ACAD10: variants seen among roughly 807,000 people sequenced by gnomAD.
ACAD10 encodes acyl-CoA dehydrogenase family member 10.
In ACAD10, 112 loss-of-function variants were observed where a neutral mutation model predicts 116.8. The ratio of observed to expected loss-of-function variants is 0.96; its 90% CI spans 0.82 to 1.12. The LOEUF (loss-of-function observed/expected upper bound fraction) is 1.12. ACAD10 is among the 50% of genes most tolerant of loss of function. ACAD10 has a pLI of 0.00. For synonymous variants in ACAD10, 486 were observed against 510.6 expected, an observed-to-expected ratio of 0.95 and a Z score of 0.65; for missense variants, 1,259 against 1,350.2, an observed-to-expected ratio of 0.93 and a Z score of 1.06.
chr12:111,725,665 G>C (rs1210711991), intron 8 of ACAD10, among the ~76,000 whole-genome samples: 2 of 152,022 alleles, frequency 1.3e-5, no homozygotes. Flanking sequence ...CTCCCAAGTA[G>C]CTGGGATTAT....
At position 111,727,262 on chromosome 12, in the gene ACAD10, C is replaced by T. The variant is rs11831183; in HGVS notation, c.1062-700C>T. ...TAAATAGGCCGGGAGCAGTGGCTCA[C>T]GCCTATAATCCCACCACTTTGGGAG... On this transcript the variant is annotated intron_variant, in intron 8 of 20. Transcript: ENST00000313698. 0.016 allele frequency among the ~76,000 whole-genome samples: 2,455 copies of T among 150,232 alleles called. 134 individuals carry two copies. The South Asian group carries it at 0.18, about 11-fold the overall frequency.
intron 12 of ACAD10, chr12:111,744,426 C>G: frequency 1.6e-6 from 1 of 606,082 alleles, no homozygotes; most frequent in Non-Finnish European, 2.8e-6. Context: ...TCACCTCCTT[C>G]TCTAAGACTC....
chr12:111,741,618 C>G (rs1889745240), intron 12 of ACAD10, among the ~76,000 whole-genome samples: 1 of 152,150 alleles, frequency 6.6e-6, no homozygotes, highest in South Asian at 2.1e-4. Flanking sequence ...CCTTTCCCTC[C>G]CTCTGGGAAG....
chr12:111,756,407 TG>T lies in ACAD10; in HGVS notation c.3115del (p.Ala1039ProfsTer15). 6.2e-7 allele frequency: 1 copy of T among 1,612,622 alleles called. No individual in the cohort carries two copies. The highest frequency in any genetic ancestry group is 8.5e-7 in the Non-Finnish European group (1 of 1,179,814). The part of the protein sequence containing the change: ...FFTWARALRF[A>X]DGPDEVHRAT... ...TCACCTGGGCCCGAGCCCTGCGCTTTGCCGACGGCCCTGACGAGGTGCACCG... is the reference window on the plus strand; with the variant it reads ...TCACCTGGGCCCGAGCCCTGCGCTTTCCGACGGCCCTGACGAGGTGCACCG... On this transcript the variant is annotated frameshift_variant, in exon 21 of 21. Transcript: ENST00000313698. LOFTEE classifies it high-confidence loss of function.
chr12:111,732,038 A>ATG (rs1426469570), intron 10 of ACAD10, among the ~76,000 whole-genome samples: 51 of 152,078 alleles, frequency 3.4e-4, no homozygotes, highest in Non-Finnish European at 7.4e-4. Context: ...CCAAGACCGC[A>ATG]CCACTGCACT....
At chr12:111,706,258 C>G (rs944899467) in intron 4 of ACAD10, among the ~76,000 whole-genome samples, 1 of 152,120 alleles carries the variant, frequency 6.6e-6, no homozygotes, top group Non-Finnish European at 1.5e-5. Context: ...CTAAGACCAA[C>G]TATGTTGCCT....
At chr12:111,747,778 G>T in intron 16 of ACAD10, 1 of 1,036,228 alleles carries the variant, frequency 9.7e-7, no homozygotes, top group Non-Finnish European at 1.2e-6. Context: ...GGATTGTCCA[G>T]TGTTACTTTT....
chr12:111,709,310 T>C (rs1363104536), intron 4 of ACAD10, among the ~76,000 whole-genome samples: 2 of 152,222 alleles, frequency 1.3e-5, no homozygotes, highest in African/African-American at 4.8e-5. Context: ...ACAGACACTT[T>C]GGTTTCTCGA....
At chr12:111,718,712 C>T (rs1247364224) in intron 7 of ACAD10, among the ~76,000 whole-genome samples, 2 of 152,030 alleles carry the variant, frequency 1.3e-5, no homozygotes, top group African/African-American at 4.8e-5. Context: ...CTCTTGACCT[C>T]GGGTGATCCG....
At chr12:111,733,804 C>T (rs1456470637) in intron 10 of ACAD10, 119 bp from the exon 11 acceptor site, 29 of 1,276,766 alleles carry the variant, frequency 2.3e-5, no homozygotes, top group African/African-American at 3.0e-5. Context: ...CTCAGGCACC[C>T]GGGCACAGAG....
Position 111,705,907 on chromosome 12 carries a change from C to T in ACAD10, c.506C>T (p.Pro169Leu), listed in dbSNP as rs910646232. 1 of 1,613,962 alleles carries T rather than the reference C, an allele frequency of 6.2e-7. No homozygotes were observed. The highest frequency in any genetic ancestry group is 2.2e-5 in the East Asian group (1 of 44,858). Residue 169 changes from proline to leucine, a missense_variant, in exon 4 of 21, where the codon CCC becomes CTC. Pro to Leu is a moderately conservative substitution (Grantham distance 98). Coordinates refer to ENST00000313698, the MANE Select transcript of ACAD10 (RefSeq NM_025247.6). ...FYLPNQKSFL[P>L]LDRKQFDVIV... ...CTTCCCAACCAGAAAAGCTTTTTGC[C>T]CCTGGACCGGAAACAGTTTGATGTG...
intron 5 of ACAD10, chr12:111,710,145 A>C: frequency 3.1e-6 from 1 of 323,898 alleles, no homozygotes; most frequent in South Asian, 2.2e-5. Flanking sequence ...GCTGGAGTGC[A>C]GTGGTGCAAT....
At chr12:111,750,020 G>A (rs146063790) in intron 18 of ACAD10, among the ~76,000 whole-genome samples, 1,922 of 151,172 alleles carry the variant, frequency 0.013, 47 homozygotes, top group African/African-American at 0.045. Context: ...TGATCTGCCC[G>A]CCTCGGGCTC....
intron 9 of ACAD10, 56 bp downstream of exon 9, chr12:111,728,199 T>C: frequency 6.6e-7 from 1 of 1,518,164 alleles, no homozygotes; most frequent in Non-Finnish European, 8.9e-7. Flanking sequence ...TGCTTCTGCT[T>C]TTAGGATCTG....
chr12:111,751,875 A>G (rs1017129420), intron 18 of ACAD10, among the ~76,000 whole-genome samples: 1 of 151,560 alleles, frequency 6.6e-6, no homozygotes, highest in Non-Finnish European at 1.5e-5. Flanking sequence ...CCTGACCAAC[A>G]TAGAGAAACC....
At position 111,734,008 on chromosome 12, in the gene ACAD10, G is replaced by A. The variant is rs1337811828; in HGVS notation, c.1480G>A (p.Ala494Thr). 1.9e-6 allele frequency: 3 copies of A among 1,614,098 alleles called. No homozygotes were observed. The highest frequency in any genetic ancestry group is 2.5e-6 in the Non-Finnish European group (3 of 1,180,052). ...WELSTLGDPLADVAYSCLAHY... is the reference protein window; with the variant it reads ...WELSTLGDPLTDVAYSCLAHY... ...ACTTTCTACCTTGGGCGACCCCCTT[G>A]CTGATGTGGCCTACAGCTGCCTGGC... The change falls in exon 11 of 21, where the codon GCT becomes ACT. Residue 494 changes from alanine (A) to threonine (T), a missense_variant. Ala to Thr is a moderately conservative substitution (Grantham distance 58). Coordinates refer to ENST00000313698, the MANE Select transcript of ACAD10 (RefSeq NM_025247.6).
intron 14 of ACAD10, among the ~76,000 whole-genome samples, chr12:111,746,799 G>T (rs1034422914): frequency 6.6e-6 from 1 of 152,130 alleles, no homozygotes; most frequent in Non-Finnish European, 1.5e-5. Flanking sequence ...CCAGGAGTTC[G>T]ACACCAGCGT....
intron 1 of ACAD10, among the ~76,000 whole-genome samples, chr12:111,691,494 G>C: frequency 6.6e-6 from 1 of 152,224 alleles, no homozygotes; most frequent in East Asian, 1.9e-4. Flanking sequence ...GAGCATTGCA[G>C]AGGAGAACAT....
rs1405094424 is a variant in ACAD10 at position 111,712,607 on chromosome 12, A to C, written c.800A>C (p.Lys267Thr). Residue 267 changes from lysine to threonine, a missense_variant, in exon 6 of 21, where the codon AAA (lysine) becomes ACA (threonine). By Grantham distance (78) the Lys-to-Thr change is moderately conservative. Coordinates refer to ENST00000313698, the MANE Select transcript of ACAD10 (RefSeq NM_025247.6). ...GTGAAAAAGACGATGGAAATTCCGA[A>C]AGATTCCTTGCAGAAGTACCTCAAA... is the stretch of plus-strand genomic sequence containing the variant. Reference protein sequence around the residue: ...RPVKKTMEIPKDSLQKYLKDL... With the variant: ...RPVKKTMEIPTDSLQKYLKDL... The C allele has an allele frequency of 6.2e-7, 1 of 1,614,038 alleles. No individual in the cohort carries two copies. Among genetic ancestry groups the C allele is most frequent in the Non-Finnish European group, 8.5e-7 (1 of 1,180,026 alleles).
Sources: gnomAD v4.1 joint callset for allele counts (sites outside exome capture counted in the v4.1 genomes callset) on GRCh38, gnomAD v4.1.1 for gene constraint, MANE v1.5 for transcripts, NCBI Gene and HGNC (gene_info 2026-07-23, HGNC 2026-07-21) for gene names.